The following NTM variants were observed in gnomAD, a reference collection of about 807,000 sequenced individuals.
The protein encoded by NTM is IgLON family member 2.
In NTM, 13 loss-of-function variants were observed where a neutral mutation model predicts 42.1. That is an observed-to-expected ratio of 0.31 (90% CI 0.20 to 0.49). The LOEUF (loss-of-function observed/expected upper bound fraction) is 0.49, where lower values mean the gene tolerates loss of function less well. NTM is among the 20% of genes least tolerant of loss of function. NTM has a pLI of 0.99. For missense variants in NTM, 373 were observed against 452.8 expected (o/e 0.82, Z 1.60); for synonymous variants, 187 against 179.2 (o/e 1.04, Z -0.35).
chr11:131,780,576 C>A (rs576318642), intron 1 of NTM, among the ~76,000 whole-genome samples: 1 of 152,226 alleles, frequency 6.6e-6, no homozygotes, highest in South Asian at 2.1e-4. Flanking sequence ...GACATGAGAG[C>A]GAATGAGTGC....
Position 132,314,537 on chromosome 11 carries a change from T to TTTTG in NTM, c.783-11_783-8dup, listed in dbSNP as rs757863616. The TTTTG allele has an allele frequency of 1.1e-5, 18 of 1,603,008 alleles. No homozygotes were observed. Among genetic ancestry groups the TTTTG allele is most frequent in the African/African-American group, 6.7e-5 (5 of 74,470 alleles). On this transcript the variant is annotated splice_polypyrimidine_tract_variant and intron_variant, in intron 6 of 8. Coordinates refer to ENST00000683400, the MANE Select transcript of NTM (RefSeq NM_001352005.2). Reference sequence around the variant, plus strand: ...CCATCTTGTTTTCTTCTTTTTTGTCTTTTGTTTCTCTCAGACTGATTGAAG... The same window carrying TTTTG: ...CCATCTTGTTTTCTTCTTTTTTGTCTTTTGTTTGTTTCTCTCAGACTGATTGAAG...
intron 1 of NTM, among the ~76,000 whole-genome samples, chr11:131,759,499 C>T (rs953656714): frequency 2.7e-4 from 41 of 152,112 alleles, no homozygotes; most frequent in Non-Finnish European, 4.3e-4. Flanking sequence ...TCTTTCCTTA[C>T]CTCTTCTCTC....
Position 132,335,228 on chromosome 11 carries a change from CCAAT to C in NTM, c.*85_*88del, listed in dbSNP as rs1454926760. 2.7e-6 allele frequency: 4 copies of C among 1,454,730 alleles called. No homozygotes were observed. The African/African-American group carries it at 5.6e-5, about 20-fold the overall frequency. 90.1% of individuals were successfully genotyped at this position (1,454,730 alleles called of 1,614,324 possible). On this transcript the variant is annotated 3_prime_UTR_variant, in exon 9 of 9. Coordinates refer to ENST00000683400, the MANE Select transcript of NTM (RefSeq NM_001352005.2). ...ACAGCAATGGCAACACCGACAGCAA[CCAAT>C]CAGATATATACAAATGAAATTAGAA...
At chr11:131,389,024 A>AAAAG (rs1555097642) in intron 1 of NTM, among the ~76,000 whole-genome samples, 5 of 89,914 alleles carry the variant, frequency 5.6e-5, no homozygotes, top group Non-Finnish European at 1.1e-4. Flanking sequence ...AAAAAAAAAA[A>AAAAG]AAAAGAAAAG....
Position 132,146,240 on chromosome 11 carries a change from G to C in NTM, c.168-42G>C, listed in dbSNP as rs372707939. 1 of 1,606,282 alleles carries C rather than the reference G, an allele frequency of 6.2e-7. No homozygotes were observed. The highest frequency in any genetic ancestry group is 2.2e-5 in the East Asian group (1 of 44,694). On this transcript the variant is annotated intron_variant, in intron 2 of 8. Coordinates refer to ENST00000683400, the MANE Select transcript of NTM (RefSeq NM_001352005.2). This position sits in a 1 kb window ranked among gnomAD's most constrained non-coding sequence, Gnocchi z 4.5. ...GGACCTCCCTCTGATGGCTGCTGTC[G>C]TCTCTCAGTCCCTTGACGTACCTGT...
intron 1 of NTM, among the ~76,000 whole-genome samples, chr11:131,618,528 TTGACTC>T (rs1195446006): frequency 2.0e-4 from 30 of 152,236 alleles, no homozygotes; most frequent in African/African-American, 5.5e-4. Context: ...GGGCTCCTAT[TTGACTC>T]TGATTCATTC....
chr11:131,559,054 T>C (rs1181474253), intron 1 of NTM, among the ~76,000 whole-genome samples: 1 of 152,220 alleles, frequency 6.6e-6, no homozygotes, highest in Non-Finnish European at 1.5e-5. Context: ...TAATAAAAAA[T>C]CAAATTCAAT....
At chr11:132,120,682 G>A (rs916031824) in intron 2 of NTM, among the ~76,000 whole-genome samples, 3 of 152,130 alleles carry the variant, frequency 2.0e-5, no homozygotes, top group Non-Finnish European at 1.5e-5. Flanking sequence ...TCCCTGCTTA[G>A]GGTTCTGCAA....
intron 1 of NTM, among the ~76,000 whole-genome samples, chr11:131,404,966 T>C (rs1252590399): frequency 6.6e-6 from 1 of 152,178 alleles, no homozygotes; most frequent in Non-Finnish European, 1.5e-5. Flanking sequence ...AGTGCATATC[T>C]GTCTATGGAA....
chr11:131,694,967 C>G (rs1480394937), intron 1 of NTM, among the ~76,000 whole-genome samples: 1 of 152,090 alleles, frequency 6.6e-6, no homozygotes, highest in Non-Finnish European at 1.5e-5. Flanking sequence ...AGCAGAGGGG[C>G]AGTCGGAGAG....
intron 1 of NTM, among the ~76,000 whole-genome samples, chr11:131,635,006 T>C (rs1301223582): frequency 6.6e-6 from 1 of 152,206 alleles, no homozygotes. Context: ...AATGACCTTT[T>C]GGTCAACAAC....
chr11:132,080,485 T>C (rs1277347912), intron 2 of NTM, among the ~76,000 whole-genome samples: 1 of 152,214 alleles, frequency 6.6e-6, no homozygotes, highest in African/African-American at 2.4e-5. Flanking sequence ...GGCAGCTTCA[T>C]TCTCCAGACT....
intron 1 of NTM, among the ~76,000 whole-genome samples, chr11:131,564,422 G>A (rs1175512655): frequency 6.8e-6 from 1 of 147,778 alleles, no homozygotes; most frequent in Non-Finnish European, 1.5e-5. Context: ...TGCTCACATA[G>A]TAGAGGGATA....
intron 1 of NTM, among the ~76,000 whole-genome samples, chr11:131,762,770 G>A (rs2084424716): frequency 6.6e-6 from 1 of 152,210 alleles, no homozygotes; most frequent in South Asian, 2.1e-4. Flanking sequence ...ATAATGCCCA[G>A]CCTGACTGCT....
intron 1 of NTM, among the ~76,000 whole-genome samples, chr11:131,853,142 G>T (rs1429085954): frequency 1.3e-5 from 2 of 151,928 alleles, no homozygotes; most frequent in Non-Finnish European, 2.9e-5. Context: ...TATACTAGAT[G>T]CTGGCAATAA....
Position 132,109,167 on chromosome 11 carries a change from G to A in NTM, c.168-37115G>A, listed in dbSNP as rs565090388. ...GTGAACAGTGCTGCAATAAACATAC[G>A]TGTGCATGTGTCTTTATAGTAGAAT... is the stretch of plus-strand genomic sequence containing the variant. On this transcript the variant is annotated intron_variant, in intron 2 of 8. Transcript: ENST00000683400. Among the ~76,000 whole-genome samples, 7 of 146,862 alleles carry A rather than the reference G, an allele frequency of 4.8e-5. No homozygotes were observed. The South Asian group carries it at 1.1e-3, about 24-fold the overall frequency.
At chr11:131,677,557 C>T (rs1038652862) in intron 1 of NTM, among the ~76,000 whole-genome samples, 4 of 152,176 alleles carry the variant, frequency 2.6e-5, no homozygotes, top group African/African-American at 9.7e-5. Context: ...AGCTCCTCTC[C>T]AGTTGTCAAG....
chr11:131,906,802 G>T (rs1042607944), intron 1 of NTM, among the ~76,000 whole-genome samples: 7 of 151,868 alleles, frequency 4.6e-5, no homozygotes. Flanking sequence ...CTCTCTATTT[G>T]TGACCTCTTT....
At chr11:132,186,586 T>C (rs2078435919) in intron 3 of NTM, among the ~76,000 whole-genome samples, 1 of 152,328 alleles carries the variant, frequency 6.6e-6, no homozygotes, top group Non-Finnish European at 1.5e-5. Flanking sequence ...TATTTTTTAA[T>C]GTTTTGTTTT....
Sources: gnomAD v4.1 joint callset for allele counts (sites outside exome capture counted in the v4.1 genomes callset) on GRCh38, gnomAD v4.1.1 for gene constraint, Gnocchi (gnomAD v3.1) non-coding constraint, MANE v1.5 for transcripts, NCBI Gene and HGNC (gene_info 2026-07-23, HGNC 2026-07-21) for gene names.